ASTN2: variants seen among roughly 807,000 people sequenced by gnomAD.
ASTN2 encodes the protein astrotactin 2.
Under a neutral mutation model 139.8 loss-of-function variants are expected in ASTN2, and 54 were observed. The observed-to-expected ratio is 0.39, with a 90% confidence interval of 0.31 to 0.48. ASTN2 has a LOEUF of 0.48. Ranked by LOEUF, ASTN2 falls within the 20% of genes least tolerant of loss-of-function variation. The pLI, the probability that ASTN2 is intolerant of heterozygous loss-of-function variation, is 0.95. For synonymous variants in ASTN2, 756 were observed against 719.5 expected (o/e 1.05, Z -0.81); for missense variants, 1,565 against 1,725.1 (o/e 0.91, Z 1.64).
chr9:117,344,185 GA>G (rs36050108), intron 1 of ASTN2, among the ~76,000 whole-genome samples: 1 of 150,740 alleles, frequency 6.6e-6, no homozygotes, highest in African/African-American at 2.4e-5. Flanking sequence ...AGCACGTGGA[GA>G]AAAAAAAACC....
chr9:116,848,102 T>C (rs886249374), intron 11 of ASTN2, among the ~76,000 whole-genome samples: 5 of 152,280 alleles, frequency 3.3e-5, no homozygotes, highest in African/African-American at 1.2e-4. Context: ...GTACCCCCCA[T>C]ACACCAGACA....
rs375772066 is a variant in ASTN2, at chr9:116,725,731, C to T, written c.2806+40G>A. On this transcript the variant is annotated intron_variant, in intron 16 of 22. Transcript: ENST00000313400. ...CTCCCCAGACCCCTTGCCTCTATAG[C>T]CTGCCTGGCCACCTCCTACAGTAGG... The T allele has an allele frequency of 3.8e-6, 6 of 1,594,142 alleles. No individual in the cohort carries two copies. The African/African-American group carries it at 8.0e-5, about 21-fold the overall frequency.
At chr9:116,605,456 CAGA>C (rs906041152) in intron 19 of ASTN2, among the ~76,000 whole-genome samples, 4 of 152,000 alleles carry the variant, frequency 2.6e-5, no homozygotes, top group African/African-American at 9.7e-5. Flanking sequence ...AGCAGGAGAG[CAGA>C]AGATGACCAA....
intron 16 of ASTN2, among the ~76,000 whole-genome samples, chr9:116,662,885 C>G (rs1858643181): frequency 6.6e-6 from 1 of 152,102 alleles, no homozygotes; most frequent in African/African-American, 2.4e-5. Context: ...GCTGAAAAAA[C>G]AGAGTTTCCG....
intron 20 of ASTN2, among the ~76,000 whole-genome samples, chr9:116,461,549 C>T (rs1304389955): frequency 6.6e-6 from 1 of 152,070 alleles, no homozygotes; most frequent in Non-Finnish European, 1.5e-5. Flanking sequence ...GCATCTCACT[C>T]CTAGAATATT....
chr9:117,237,534 C>A (rs1833081021), intron 2 of ASTN2, among the ~76,000 whole-genome samples: 1 of 152,154 alleles, frequency 6.6e-6, no homozygotes, highest in South Asian at 2.1e-4. Flanking sequence ...GCCTGGAGTG[C>A]AATGGTGTGA....
chr9:116,675,432 G>A (rs768429165), intron 16 of ASTN2, among the ~76,000 whole-genome samples: 2 of 152,106 alleles, frequency 1.3e-5, no homozygotes, highest in Non-Finnish European at 2.9e-5. Flanking sequence ...TGGTGTGTCT[G>A]CATCTGTAGC....
chr9:117,016,778 ATATATATAGGT>A (rs72084520), intron 6 of ASTN2, among the ~76,000 whole-genome samples: 24,534 of 100,292 alleles, frequency 0.24, 3,085 homozygotes, highest in East Asian at 0.56. Flanking sequence ...TATAGGTTTT[ATATATATAGGT>A]TATATATAGG....
chr9:117,325,084 G>C (rs902492189), intron 1 of ASTN2, among the ~76,000 whole-genome samples: 1 of 152,116 alleles, frequency 6.6e-6, no homozygotes, highest in Non-Finnish European at 1.5e-5. Flanking sequence ...GGAGAAGTGG[G>C]TTGATAACAG....
intron 19 of ASTN2, among the ~76,000 whole-genome samples, chr9:116,558,006 T>C (rs563129115): frequency 2.6e-5 from 4 of 152,160 alleles, no homozygotes; most frequent in South Asian, 2.1e-4. Flanking sequence ...AGCATAGAAA[T>C]AGAATGACCA....
intron 6 of ASTN2, among the ~76,000 whole-genome samples, chr9:117,021,712 G>T (rs765776280): frequency 5.3e-5 from 8 of 152,102 alleles, no homozygotes; most frequent in Non-Finnish European, 7.4e-5. Flanking sequence ...ATGGGCCTTG[G>T]TTCCTCAGCT....
At chr9:117,119,687 A>C (rs1274478795) in intron 4 of ASTN2, among the ~76,000 whole-genome samples, 2 of 152,080 alleles carry the variant, frequency 1.3e-5, no homozygotes, top group Non-Finnish European at 2.9e-5. Context: ...TTTTTACATT[A>C]TTTGAAATAT....
chr9:116,556,576 A>C (rs961852947), intron 19 of ASTN2, among the ~76,000 whole-genome samples: 2 of 152,214 alleles, frequency 1.3e-5, no homozygotes. Context: ...AATTTTCTAA[A>C]ATTGTGTTGG....
intron 1 of ASTN2, among the ~76,000 whole-genome samples, chr9:117,395,575 T>C (rs1219703368): frequency 6.6e-6 from 1 of 152,184 alleles, no homozygotes; most frequent in East Asian, 1.9e-4. Flanking sequence ...TCAAGGCTGG[T>C]GTTCTGAGTT....
rs1438842329 is a variant in ASTN2, at chr9:116,734,628, T to C, written c.2397-1105A>G. 2.6e-5 allele frequency among the ~76,000 whole-genome samples: 4 copies of C among 152,190 alleles called. No individual in the cohort carries two copies. The South Asian group carries it at 8.4e-4, about 32-fold the overall frequency. Reference sequence around the variant, plus strand: ...CAAAAGGAGGAAGATGTTTATTACTTCATTTTGACACATGGAATGGTCAAC... The same window carrying C: ...CAAAAGGAGGAAGATGTTTATTACTCCATTTTGACACATGGAATGGTCAAC... On this transcript the variant is annotated intron_variant, in intron 13 of 22. Transcript: ENST00000313400.
chr9:116,877,614 G>C (rs1343953472), intron 10 of ASTN2, among the ~76,000 whole-genome samples: 1 of 152,152 alleles, frequency 6.6e-6, no homozygotes, highest in Non-Finnish European at 1.5e-5. Context: ...AGTGTGGAGT[G>C]AGGCAGATTT....
chr9:116,629,587 C>T (rs187048449), intron 17 of ASTN2, among the ~76,000 whole-genome samples: 16 of 149,114 alleles, frequency 1.1e-4, no homozygotes, highest in African/African-American at 3.8e-4. Context: ...CCTCAGATCC[C>T]CCCATACAGT....
intron 19 of ASTN2, among the ~76,000 whole-genome samples, chr9:116,514,804 G>A (rs1257409577): frequency 6.6e-6 from 1 of 152,184 alleles, no homozygotes; most frequent in Non-Finnish European, 1.5e-5. Flanking sequence ...CCTGGTGCGG[G>A]ATATAAACTC....
intron 10 of ASTN2, among the ~76,000 whole-genome samples, chr9:116,956,026 TA>T: frequency 6.6e-6 from 1 of 152,140 alleles, no homozygotes; most frequent in South Asian, 2.1e-4. Flanking sequence ...CTGAGAGCTT[TA>T]AAAAATGCCA....
Sources: gnomAD v4.1 joint callset for allele counts (sites outside exome capture counted in the v4.1 genomes callset) on GRCh38, gnomAD v4.1.1 for gene constraint, MANE v1.5 for transcripts, NCBI Gene and HGNC (gene_info 2026-07-23, HGNC 2026-07-21) for gene names.